Variants in IFT43 observed in about 807,000 individuals in gnomAD.
IFT43 encodes intraflagellar transport protein 43 homolog.
In IFT43, 33 loss-of-function variants were observed where a neutral mutation model predicts 32.3. The observed-to-expected ratio is 1.02, with a 90% confidence interval of 0.77 to 1.37. The LOEUF is 1.37. Among genes scored for constraint, IFT43 ranks in the 40% most tolerant of loss-of-function variants. IFT43 has a pLI of 0.00. For synonymous variants in IFT43, 93 were observed against 98.2 expected (o/e 0.95, Z 0.31); for missense variants, 274 against 265.9 (o/e 1.03, Z -0.21).
At chr14:76,019,911 T>C (rs2036258425) in intron 2 of IFT43, among the ~76,000 whole-genome samples, 1 of 152,136 alleles carries the variant, frequency 6.6e-6, no homozygotes, top group Admixed American at 6.5e-5. Context: ...TTTGGTTCTT[T>C]TTTATGATGT....
At chr14:76,058,329 G>C (rs2037064207) in intron 3 of IFT43, 1 of 358,430 alleles carries the variant, frequency 2.8e-6, no homozygotes, top group Admixed American at 4.0e-5. Flanking sequence ...AAATCAGTCA[G>C]TTAATTGCTG....
intron 3 of IFT43, among the ~76,000 whole-genome samples, chr14:76,042,949 T>C (rs755088539): frequency 1.1e-4 from 16 of 152,222 alleles, no homozygotes; most frequent in Non-Finnish European, 2.1e-4. Flanking sequence ...CTTCTCTTAT[T>C]GGGCCACCTT....
chr14:76,011,518 G>T (rs2036085121), intron 2 of IFT43, among the ~76,000 whole-genome samples: 1 of 152,132 alleles, frequency 6.6e-6, no homozygotes, highest in African/African-American at 2.4e-5. Context: ...CATTGTTAAG[G>T]AATGTTTTTC....
chr14:75,994,103 CTTT>C (rs746640100), intron 2 of IFT43, among the ~76,000 whole-genome samples: 1 of 143,944 alleles, frequency 6.9e-6, no homozygotes. Flanking sequence ...ATAGAAAGCC[CTTT>C]TTTTTTTTTG....
chr14:75,985,943 C>T, intron 1 of IFT43, 103 bp downstream of exon 1: 2 of 1,545,764 alleles, frequency 1.3e-6, no homozygotes, highest in Non-Finnish European at 1.7e-6. Context: ...CGGCAGGCCT[C>T]GCGCCGCGCC....
intron 3 of IFT43, among the ~76,000 whole-genome samples, chr14:76,045,151 C>T (rs1446050288): frequency 1.9e-4 from 29 of 152,180 alleles, no homozygotes; most frequent in Admixed American, 1.9e-3. Flanking sequence ...ATAACACACT[C>T]TTCTTAAGGG....
chr14:76,072,690 AG>A (rs1340771738), intron 5 of IFT43, among the ~76,000 whole-genome samples: 1 of 152,194 alleles, frequency 6.6e-6, no homozygotes. Flanking sequence ...GTCTGTTAGG[AG>A]GATTGTGATT....
chr14:76,014,776 C>T (rs1430717994), intron 2 of IFT43, among the ~76,000 whole-genome samples: 1 of 152,166 alleles, frequency 6.6e-6, no homozygotes, highest in African/African-American at 2.4e-5. Context: ...CCAGTGAAAA[C>T]CACCAAGATG....
At chr14:76,027,349 C>CTT (rs61215376) in intron 3 of IFT43, among the ~76,000 whole-genome samples, 68,721 of 146,240 alleles carry the variant, frequency 0.47, 18,071 homozygotes, top group Non-Finnish European at 0.59. Context: ...CACACACACA[C>CTT]TTTTTCCCAA....
intron 2 of IFT43, among the ~76,000 whole-genome samples, chr14:76,003,458 T>C (rs572879051): frequency 6.6e-6 from 1 of 152,138 alleles, no homozygotes; most frequent in East Asian, 1.9e-4. Flanking sequence ...AAACCCCGTC[T>C]CTACTAAAAA....
At chr14:76,068,907 C>T (rs899667843) in intron 5 of IFT43, among the ~76,000 whole-genome samples, 1 of 152,212 alleles carries the variant, frequency 6.6e-6, no homozygotes, top group African/African-American at 2.4e-5. Context: ...TCCTTACCCT[C>T]ATCCAGTTTA....
chr14:75,999,979 T>A (rs2035851793), intron 2 of IFT43, among the ~76,000 whole-genome samples: 1 of 152,192 alleles, frequency 6.6e-6, no homozygotes, highest in African/African-American at 2.4e-5. Flanking sequence ...TGGGAGAGCT[T>A]GTTGGCAGGG....
In IFT43 at chr14:75,986,306, C is replaced by T. The variant is rs2035526054; in HGVS notation, c.54+466C>T. 7.2e-6 allele frequency: 9 copies of T among 1,245,534 alleles called. No individual in the cohort carries two copies. In the South Asian group the frequency reaches 1.2e-4, roughly 16 times the overall value. 77.2% of individuals were successfully genotyped at this position (1,245,534 alleles called of 1,614,324 possible). On this transcript the variant is annotated intron_variant, in intron 1 of 8. Coordinates refer to ENST00000314067, the MANE Select transcript of IFT43 (RefSeq NM_001102564.3). Reference sequence around the variant, plus strand: ...AGGCAGGCAGGGACGGCCTTTCTTCCCGGTAATCCCCGTGGGGAGGTGGGA... The same window carrying T: ...AGGCAGGCAGGGACGGCCTTTCTTCTCGGTAATCCCCGTGGGGAGGTGGGA...
At chr14:75,999,250 T>TAAATTCATTTTATATATATAG (rs2035815989) in intron 2 of IFT43, among the ~76,000 whole-genome samples, 1 of 7,982 alleles carries the variant, frequency 1.3e-4, no homozygotes, top group Non-Finnish European at 2.8e-4. Flanking sequence ...TATATATATA[T>TAAATTCATTTTATATATATAG]ATATATATAT....
At chr14:75,991,769 A>G (rs2035648552) in intron 2 of IFT43, among the ~76,000 whole-genome samples, 1 of 152,100 alleles carries the variant, frequency 6.6e-6, no homozygotes, top group African/African-American at 2.4e-5. Context: ...CATGATGAAA[A>G]GTCATTCTGC....
intron 3 of IFT43, among the ~76,000 whole-genome samples, chr14:76,028,313 GTTA>G (rs1365571907): frequency 6.6e-6 from 1 of 152,076 alleles, no homozygotes; most frequent in African/African-American, 2.4e-5. Flanking sequence ...GCCTGAATCA[GTTA>G]TTATATCAGG....
At chr14:76,027,843 TC>T (rs1317118617) in intron 3 of IFT43, among the ~76,000 whole-genome samples, 2 of 152,154 alleles carry the variant, frequency 1.3e-5, no homozygotes, top group Non-Finnish European at 2.9e-5. Context: ...CCTTTGTTGT[TC>T]CCCCAGATGT....
chr14:76,066,363 T>G (rs777910267), intron 5 of IFT43, among the ~76,000 whole-genome samples: 6 of 152,242 alleles, frequency 3.9e-5, no homozygotes, highest in Non-Finnish European at 8.8e-5. Flanking sequence ...ATGCCTCTTC[T>G]CCAACATAAA....
intron 4 of IFT43, 161 bp downstream of exon 4, chr14:76,058,835 G>A (rs923006662): frequency 1.4e-5 from 22 of 1,542,718 alleles, no homozygotes; most frequent in East Asian, 9.5e-5. Context: ...GGTTAATCCC[G>A]CTTCCTCAAC....
Sources: gnomAD v4.1 joint callset for allele counts (sites outside exome capture counted in the v4.1 genomes callset) on GRCh38, gnomAD v4.1.1 for gene constraint, MANE v1.5 for transcripts, NCBI Gene and HGNC (gene_info 2026-07-23, HGNC 2026-07-21) for gene names.